Variants in MYO5A observed in about 807,000 individuals in gnomAD.
MYO5A encodes the protein unconventional myosin-Va.
MYO5A carries 98 observed loss-of-function variants against 249.7 expected under a neutral mutation model. The observed-to-expected ratio is 0.39, with a 90% CI of 0.33 to 0.46. The LOEUF is 0.46. Ranked by LOEUF, MYO5A falls within the 20% of genes least tolerant of loss-of-function variation. The probability of loss-of-function intolerance (pLI) is 0.98; values close to 1 mark genes in which losing one functional copy is unlikely to be tolerated. For missense variants in MYO5A, 1,696 were observed against 2,308.8 expected (o/e 0.73, Z 5.44); for synonymous variants, 778 against 810.6 (o/e 0.96, Z 0.68).
chr15:52,472,931 T>C (rs1047147276), intron 1 of MYO5A, among the ~76,000 whole-genome samples: 2 of 152,226 alleles, frequency 1.3e-5, no homozygotes, highest in Non-Finnish European at 2.9e-5. Flanking sequence ...CTGGGTCAAA[T>C]GGTATTTCTA....
rs74731243 is a variant in MYO5A, at chr15:52,315,168, G to A, written c.5410-965C>T. ...CCTCACTCTGTGAAATATGCTTAAA[G>A]TATATTTAAGTATTAAAGTATATTC... is the stretch of plus-strand genomic sequence containing the variant. On this transcript the variant is annotated intron_variant, in intron 40 of 41. Transcript: ENST00000399233. Among the ~76,000 whole-genome samples the A allele has an allele frequency of 4.9e-3, 746 of 152,294 alleles. 2 individuals carry two copies. The highest frequency in any genetic ancestry group is 7.5e-3 in the Non-Finnish European group (508 of 68,024).
intron 8 of MYO5A, among the ~76,000 whole-genome samples, chr15:52,406,379 C>G (rs1041237258): frequency 6.6e-6 from 1 of 152,066 alleles, no homozygotes; most frequent in Non-Finnish European, 1.5e-5. Context: ...CACAAATTTA[C>G]TATTTACAAA....
intron 1 of MYO5A, among the ~76,000 whole-genome samples, chr15:52,463,306 T>C (rs1332169388): frequency 6.6e-6 from 1 of 152,186 alleles, no homozygotes; most frequent in East Asian, 1.9e-4. Flanking sequence ...AATAAGAATT[T>C]CATTCTGTCT....
chr15:52,377,396 T>TG (rs2041474200), intron 18 of MYO5A, among the ~76,000 whole-genome samples: 4 of 151,342 alleles, frequency 2.6e-5, no homozygotes, highest in Non-Finnish European at 5.9e-5. Context: ...CACTCCAGCC[T>TG]AGCAACAGAG....
At position 52,387,869 on chromosome 15, in the gene MYO5A, G is replaced by T. The variant is rs2042035219; in HGVS notation, c.1712C>A (p.Thr571Asn). The T allele has an allele frequency of 6.2e-7, 1 of 1,612,540 alleles. No homozygotes were observed. The highest frequency in any genetic ancestry group is 2.2e-5 in the East Asian group (1 of 44,760). The part of the protein sequence containing the change: ...CEGFLEKNKD[T>N]VFEEQIKVLK... ...AACTTTAATTTGTTCTTCAAAAACG[G>T]TGTCTTTATTCTTTTCGAGAAATCC... The change falls in exon 14 of 42, where the codon ACC (threonine) becomes AAC (asparagine). Residue 571 changes from threonine to asparagine, a missense_variant. Thr to Asn is a moderately conservative substitution (Grantham distance 65). Around this residue, in one of 5 missense-constraint regions of MYO5A, gnomAD observed 277 missense variants for 422.4 expected, o/e 0.66. Coordinates refer to ENST00000399233, the MANE Select transcript of MYO5A (RefSeq NM_001382347.1).
intron 1 of MYO5A, among the ~76,000 whole-genome samples, chr15:52,478,129 G>T (rs2076636944): frequency 6.6e-6 from 1 of 152,208 alleles, no homozygotes. Context: ...CCCTCCCCCA[G>T]CCTCGCTGCC....
Position 52,365,879 on chromosome 15 carries a change from T to C in MYO5A, c.3160+1152A>G, listed in dbSNP as rs149456716. On this transcript the variant is annotated intron_variant, in intron 23 of 41. Transcript: ENST00000399233. ...TAACATTTTATATTTTCCTAGAAGA[T>C]TCTCATCATTCTGGATCCTTCTGTT... Among the ~76,000 whole-genome samples, 5 of 152,320 alleles carry C rather than the reference T, an allele frequency of 3.3e-5. No homozygotes were observed. In the East Asian group the frequency reaches 7.7e-4, roughly 23 times the overall value.
chr15:52,447,229 T>TTCG (rs1350154384), intron 1 of MYO5A, among the ~76,000 whole-genome samples: 14 of 152,102 alleles, frequency 9.2e-5, no homozygotes, highest in African/African-American at 3.4e-4. Flanking sequence ...TGGTGCTGTC[T>TTCG]TCGTGATAGT....
chr15:52,393,769 C>T (rs2042365857), intron 11 of MYO5A, among the ~76,000 whole-genome samples: 1 of 152,156 alleles, frequency 6.6e-6, no homozygotes, highest in African/African-American at 2.4e-5. Context: ...ATATTTATGT[C>T]ATGCTAACAA....
chr15:52,515,478 C>T (rs6493563), intron 1 of MYO5A, among the ~76,000 whole-genome samples: 118,802 of 152,012 alleles, frequency 0.78, 46,967 homozygotes, highest in South Asian at 0.84. Context: ...ATAACAACAA[C>T]AATGACAGTA....
chr15:52,360,140 A>G, intron 24 of MYO5A, 59 bp from the exon 25 acceptor site: 4 of 1,154,618 alleles, frequency 3.5e-6, no homozygotes, highest in Non-Finnish European at 5.2e-6. Context: ...GGCATAGTTA[A>G]GACAGCATCC....
intron 4 of MYO5A, among the ~76,000 whole-genome samples, chr15:52,418,011 G>C (rs919389011): frequency 6.6e-6 from 1 of 152,214 alleles, no homozygotes; most frequent in African/African-American, 2.4e-5. Context: ...AGATTCCCTA[G>C]AGATGACAGC....
At chr15:52,506,337 C>T (rs1049308906) in intron 1 of MYO5A, among the ~76,000 whole-genome samples, 4 of 150,482 alleles carry the variant, frequency 2.7e-5, no homozygotes, top group Non-Finnish European at 4.4e-5. Context: ...GGTGACAGAG[C>T]GAGACTCTGT....
At chr15:52,364,531 A>G (rs1229763705) in intron 24 of MYO5A, 23 bp downstream of exon 24, 2 of 1,596,026 alleles carry the variant, frequency 1.3e-6, no homozygotes, top group Non-Finnish European at 1.7e-6. Flanking sequence ...TCATTAAAAA[A>G]AAAACAAAAG....
chr15:52,358,121 T>A (rs1856939650), intron 25 of MYO5A, among the ~76,000 whole-genome samples: 1 of 152,142 alleles, frequency 6.6e-6, no homozygotes, highest in Admixed American at 6.5e-5. Flanking sequence ...AGCAATGTCA[T>A]CCCAGCCCAT....
chr15:52,360,062 T>C lies in MYO5A; in HGVS notation c.3329A>G (p.His1110Arg). 6.2e-7 allele frequency: 1 copy of C among 1,613,362 alleles called. No individual in the cohort carries two copies. Reference protein sequence around the residue: ...TLMVHVPKPGHKRTDSTHSSN... With the variant: ...TLMVHVPKPGRKRTDSTHSSN... ...GCTGTGGGTGGAGTCTGTTCTCTTG[T>C]GTCCAGGCTTAGGCACATGCTGCAA... is the stretch of plus-strand genomic sequence containing the variant. Residue 1110 changes from histidine (H) to arginine (R), a missense_variant, in exon 25 of 42, where the codon CAC becomes CGC. Transcript: ENST00000399233.
At chr15:52,351,572 G>T (rs2039955646) in intron 27 of MYO5A, 91 bp from the exon 28 acceptor site, 2 of 1,307,688 alleles carry the variant, frequency 1.5e-6, no homozygotes, top group Non-Finnish European at 2.2e-6. Context: ...GAAGAATTCT[G>T]CTGAAAAAGT....
At chr15:52,320,413 C>G (rs1031857057) in intron 38 of MYO5A, among the ~76,000 whole-genome samples, 1 of 152,192 alleles carries the variant, frequency 6.6e-6, no homozygotes, top group African/African-American at 2.4e-5. Flanking sequence ...TTGAGGCGAA[C>G]TTCTTATTCA....
At chr15:52,483,298 C>T (rs1011992520) in intron 1 of MYO5A, among the ~76,000 whole-genome samples, 1 of 152,146 alleles carries the variant, frequency 6.6e-6, no homozygotes, top group African/African-American at 2.4e-5. Flanking sequence ...CAGGTCAGGG[C>T]CTCCCCTTGT....
Sources: allele counts gnomAD v4.1 joint callset (sites outside exome capture counted in the v4.1 genomes callset), GRCh38; gene constraint gnomAD v4.1.1; regional missense constraint gnomAD v4.1.1; transcripts MANE v1.5; gene names NCBI Gene and HGNC (gene_info 2026-07-23, HGNC 2026-07-21).